Variants in R3HDM4 observed in about 807,000 individuals in gnomAD.
R3HDM4 encodes R3H domain containing 4.
A neutral mutation model predicts 31.3 loss-of-function variants in R3HDM4; 30 were observed. The ratio of observed to expected loss-of-function variants is 0.96; its 90% CI spans 0.72 to 1.30. The LOEUF is 1.30. R3HDM4 is among the 50% of genes most tolerant of loss of function. The pLI is 0.00. For missense variants in R3HDM4, 444 were observed against 366.1 expected (o/e 1.21, Z -1.74); for synonymous variants, 196 against 156.6 (o/e 1.25, Z -1.88).
chr19:901,647 A>C, intron 2 of R3HDM4, 101 bp from the exon 3 acceptor site: 3 of 1,397,364 alleles, frequency 2.1e-6, no homozygotes, highest in Non-Finnish European at 2.9e-6. Flanking sequence ...TATCATCTCA[A>C]CCTCCGCACC....
chr19:904,843 C>T (rs756100865), intron 1 of R3HDM4, among the ~76,000 whole-genome samples: 145 of 152,176 alleles, frequency 9.5e-4, no homozygotes, highest in Admixed American at 1.8e-3. Context: ...GGTCCACACA[C>T]ATGTAAAGAG....
At chr19:898,259 G>A (rs1388246982) in intron 7 of R3HDM4, among the ~76,000 whole-genome samples, 3 of 144,414 alleles carry the variant, frequency 2.1e-5, no homozygotes, top group Non-Finnish European at 4.6e-5. Flanking sequence ...CAAAAAATTA[G>A]CAGGGCGTGG....
intron 7 of R3HDM4, among the ~76,000 whole-genome samples, chr19:898,961 G>A (rs1370252390): frequency 6.6e-6 from 1 of 152,204 alleles, no homozygotes; most frequent in African/African-American, 2.4e-5. Context: ...GGCGGCGCCT[G>A]CACAGACGTT....
At position 902,127 on chromosome 19, in the gene R3HDM4, G is replaced by A. The variant is rs748751367; in HGVS notation, c.75C>T (p.Pro25=). The A allele has an allele frequency of 8.7e-6, 14 of 1,612,680 alleles. No individual in the cohort carries two copies. The South Asian group carries it at 1.5e-4, about 18-fold the overall frequency. Residue 25 remains proline (P), a synonymous_variant, in exon 2 of 8, where the codon CCC becomes CCT. Transcript: ENST00000361574. The part of the protein sequence containing the change: ...EGTPGGRRLL[P]LPSCLPALAS... ...CTAGGGCAGGCAGGCAGCTGGGAAG[G>A]GGCCTGTGGGCCGGGGCAGGGGTGG...
chr19:902,849 A>G (rs569931996), intron 1 of R3HDM4, among the ~76,000 whole-genome samples: 31 of 151,868 alleles, frequency 2.0e-4, no homozygotes, highest in African/African-American at 7.5e-4. Context: ...GGCTGAAGTG[A>G]GAGAATCGCT....
Position 901,558 on chromosome 19 carries a change from CAG to C in R3HDM4, c.227-14_227-13del. On this transcript the variant is annotated splice_polypyrimidine_tract_variant and intron_variant, in intron 2 of 7. Transcript: ENST00000361574. ...CAGGAGGTACTGGGCTAGGTGGAAA[CAG>C]ATGCTCTCTGGGCCGGGGTGGCATT... The C allele has an allele frequency of 1.3e-6, 2 of 1,596,898 alleles. No individual in the cohort carries two copies. Among genetic ancestry groups the C allele is most frequent in the Non-Finnish European group, 1.7e-6 (2 of 1,175,056 alleles).
Position 899,999 on chromosome 19 carries a change from A to G in R3HDM4, c.561+62T>C. On this transcript the variant is annotated intron_variant, in intron 5 of 7. Transcript: ENST00000361574. The surrounding 1 kb of genome is among the most constrained non-coding windows in gnomAD (Gnocchi z 6.8). ...CACCGGGTGAGAACCTGTGCCTGGGAAACGGGCCTTCAAAAAAGACCAGGC... is the reference window on the plus strand; with the variant it reads ...CACCGGGTGAGAACCTGTGCCTGGGGAACGGGCCTTCAAAAAAGACCAGGC... 6.6e-7 allele frequency: 1 copy of G among 1,507,414 alleles called. No individual in the cohort carries two copies. Among genetic ancestry groups the G allele is most frequent in the Non-Finnish European group, 9.2e-7 (1 of 1,085,196 alleles). The allele number at this position is 1,507,414 out of a possible 1,614,324, so 93.4% of individuals were successfully genotyped here.
At chr19:909,095 A>G (rs1257967987) in intron 1 of R3HDM4, among the ~76,000 whole-genome samples, 2 of 152,218 alleles carry the variant, frequency 1.3e-5, no homozygotes, top group African/African-American at 4.8e-5. Context: ...CTGGACCCTG[A>G]AGGCTCGAGG....
rs150309743 is a variant in R3HDM4, at chr19:911,794, G to A, written c.71+1293C>T. Among the ~76,000 whole-genome samples, 428 of 152,190 alleles carry A rather than the reference G, an allele frequency of 2.8e-3. 13 individuals carry two copies. In the East Asian group the frequency reaches 0.066, roughly 23 times the overall value. On this transcript the variant is annotated intron_variant, in intron 1 of 7. Coordinates refer to ENST00000361574, the MANE Select transcript of R3HDM4 (RefSeq NM_138774.4). ...CCCCCGCACAGACCGCCCCGCTTCC[G>A]GGTCCCCCGGGAAGGACGCGCGGGC...
At chr19:897,788 TG>T (rs1451717476) in intron 7 of R3HDM4, among the ~76,000 whole-genome samples, 1 of 152,214 alleles carries the variant, frequency 6.6e-6, no homozygotes, top group Non-Finnish European at 1.5e-5. Flanking sequence ...CTCATTCCAC[TG>T]TGCGGATGGG....
chr19:901,069 C>T, intron 3 of R3HDM4, 117 bp from the exon 4 acceptor site: 1 of 1,310,188 alleles, frequency 7.6e-7, no homozygotes, highest in South Asian at 1.5e-5. Flanking sequence ...GCGGTCACCT[C>T]TGTCCACTGA....
intron 1 of R3HDM4, among the ~76,000 whole-genome samples, chr19:910,020 T>C (rs1255668567): frequency 1.3e-5 from 2 of 151,364 alleles, no homozygotes; most frequent in South Asian, 2.1e-4. Flanking sequence ...CCCTCGTCTC[T>C]ACAACAAATT....
chr19:908,777 C>T (rs1021524455), intron 1 of R3HDM4, among the ~76,000 whole-genome samples: 2 of 151,054 alleles, frequency 1.3e-5, no homozygotes, highest in African/African-American at 4.9e-5. Flanking sequence ...CCCCACCTAG[C>T]CCAGTCAGCC....
At chr19:906,514 G>A (rs540828749) in intron 1 of R3HDM4, among the ~76,000 whole-genome samples, 12 of 152,138 alleles carry the variant, frequency 7.9e-5, no homozygotes, top group African/African-American at 2.6e-4. Context: ...CACCGCGCCC[G>A]GCTCACCCTG....
Position 900,809 on chromosome 19 carries a change from C to A in R3HDM4, c.475+20G>T, listed in dbSNP as rs747797370. The A allele has an allele frequency of 6.7e-7, 1 of 1,484,122 alleles. No individual in the cohort carries two copies. Among genetic ancestry groups the A allele is most frequent in the South Asian group, 1.2e-5 (1 of 81,180 alleles). The allele number at this position is 1,484,122 out of a possible 1,614,324, so 91.9% of individuals were successfully genotyped here. ...TCCATACCCTGGCCCCACCCATACC[C>A]GCCCCAGCCAGGCCCGCACCTCTCC... On this transcript the variant is annotated intron_variant, in intron 4 of 7. Transcript: ENST00000361574.
intron 1 of R3HDM4, among the ~76,000 whole-genome samples, chr19:906,220 A>AT (rs565109821): frequency 0.013 from 1,319 of 101,418 alleles, 20 homozygotes; most frequent in African/African-American, 0.039. Context: ...TAGAGATGGG[A>AT]TTTTTTTTTT....
At chr19:903,209 A>T (rs928773428) in intron 1 of R3HDM4, among the ~76,000 whole-genome samples, 4 of 150,904 alleles carry the variant, frequency 2.7e-5, no homozygotes, top group African/African-American at 9.7e-5. Context: ...CAGCCCCAGA[A>T]GCTCAAGGTG....
chr19:897,431 C>G lies in R3HDM4; in HGVS notation c.*6G>C, dbSNP rs781080924. Reference sequence around the variant, plus strand: ...AGGTGGCAGCGGGGTCTCCGCGGGGCCGCCATCAGCTGTGCTGCTCCAGGT... The same window carrying G: ...AGGTGGCAGCGGGGTCTCCGCGGGGGCGCCATCAGCTGTGCTGCTCCAGGT... On this transcript the variant is annotated 3_prime_UTR_variant, in exon 8 of 8. Transcript: ENST00000361574. The G allele has an allele frequency of 5.0e-6, 8 of 1,593,518 alleles. No homozygotes were observed. The South Asian group carries it at 9.0e-5, about 18-fold the overall frequency.
At chr19:903,043 C>T (rs1408424496) in intron 1 of R3HDM4, among the ~76,000 whole-genome samples, 3 of 152,224 alleles carry the variant, frequency 2.0e-5, no homozygotes, top group Admixed American at 1.3e-4. Flanking sequence ...CCAAGAAAAG[C>T]TGCCGCCCAC....
Sources: allele counts gnomAD v4.1 joint callset (sites outside exome capture counted in the v4.1 genomes callset), GRCh38; gene constraint gnomAD v4.1.1; non-coding constraint Gnocchi (gnomAD v3.1); transcripts MANE v1.5; gene names NCBI Gene and HGNC (gene_info 2026-07-23, HGNC 2026-07-21).